Variants in SLC5A10 observed in about 807,000 individuals in gnomAD.
The protein encoded by SLC5A10 is sodium/mannose cotransporter SLC5A10.
In SLC5A10, 55 loss-of-function variants were observed where a neutral mutation model predicts 68.9. That is an observed-to-expected ratio of 0.80 (90% CI 0.64 to 1.00). SLC5A10 has a LOEUF of 1.00. SLC5A10 is among the 50% of genes least tolerant of loss of function. The pLI is 0.00. For synonymous variants in SLC5A10, 344 were observed against 344.8 expected, an observed-to-expected ratio of 1.00 and a Z score of 0.02; for missense variants, 732 against 819.3, an observed-to-expected ratio of 0.89 and a Z score of 1.30.
intron 9 of SLC5A10, among the ~76,000 whole-genome samples, chr17:18,981,879 G>C (rs1010335690): frequency 6.6e-6 from 1 of 152,182 alleles, no homozygotes; most frequent in Non-Finnish European, 1.5e-5. Context: ...GAGCACGCTC[G>C]GGGTTGAGAA....
chr17:19,019,753 C>T lies in SLC5A10; in HGVS notation c.1451C>T (p.Ala484Val), dbSNP rs2044222158. Reference sequence around the variant, plus strand: ...CTGATAGCAGGGCTGGTGGTGGGGGCCACGAGGCTGGTCCTGGAATTCCTG... The same window carrying T: ...CTGATAGCAGGGCTGGTGGTGGGGGTCACGAGGCTGGTCCTGGAATTCCTG... ...WGLIAGLVVGATRLVLEFLNP... is the reference protein window; with the variant it reads ...WGLIAGLVVGVTRLVLEFLNP... The change falls in exon 13 of 15, where the codon GCC becomes GTC. Residue 484 changes from alanine (A) to valine (V), a missense_variant. By Grantham distance (64) the Ala-to-Val change is moderately conservative. Transcript: ENST00000395645. The T allele has an allele frequency of 2.5e-6, 4 of 1,612,228 alleles. No individual in the cohort carries two copies. The highest frequency in any genetic ancestry group is 1.3e-5 in the African/African-American group (1 of 74,904).
intron 5 of SLC5A10, among the ~76,000 whole-genome samples, chr17:18,967,230 G>A (rs1021551421): frequency 2.0e-5 from 3 of 152,210 alleles, no homozygotes; most frequent in Non-Finnish European, 2.9e-5. Context: ...ATGCCATGTA[G>A]TGTCCAGTCT....
At chr17:19,008,889 T>C (rs2043957668) in intron 9 of SLC5A10, among the ~76,000 whole-genome samples, 1 of 151,438 alleles carries the variant, frequency 6.6e-6, no homozygotes, top group Non-Finnish European at 1.5e-5. Context: ...CTCGGCTCAC[T>C]GCAACCTCCA....
intron 3 of SLC5A10, among the ~76,000 whole-genome samples, 153 bp downstream of exon 3, chr17:18,959,392 T>C (rs575994610): frequency 1.3e-5 from 2 of 152,326 alleles, no homozygotes; most frequent in South Asian, 4.1e-4. Flanking sequence ...GTCTTCAGAA[T>C]ACCAAGGTGC....
chr17:18,988,194 G>C, intron 9 of SLC5A10: 1 of 1,586,728 alleles, frequency 6.3e-7, no homozygotes, highest in East Asian at 2.3e-5. Flanking sequence ...TTTGTTGACA[G>C]ACTGAATGAC....
Position 19,004,047 on chromosome 17 carries a change from C to T in SLC5A10, c.983-9363C>T, listed in dbSNP as rs1387359315. On this transcript the variant is annotated intron_variant, in intron 9 of 14. Coordinates refer to ENST00000395645, the MANE Select transcript of SLC5A10 (RefSeq NM_001042450.4). The surrounding 1 kb of genome is among the most constrained non-coding windows in gnomAD (Gnocchi z 5.4). ...TGCACCTGAGAGAAGGCCATGGCGC[C>T]GCCTGCCCGGGCACTGCTGCCGGGG... 1 of 1,576,264 alleles carries T rather than the reference C, an allele frequency of 6.3e-7. No individual in the cohort carries two copies. The highest frequency in any genetic ancestry group is 1.8e-5 in the Admixed American group (1 of 56,486).
chr17:18,987,454 T>C (rs2043299662), intron 9 of SLC5A10, among the ~76,000 whole-genome samples: 3 of 152,248 alleles, frequency 2.0e-5, no homozygotes, highest in Non-Finnish European at 4.4e-5. Context: ...GGAAATGCTC[T>C]GCACGCAGCA....
chr17:18,977,586 G>T, intron 9 of SLC5A10: 1 of 1,607,444 alleles, frequency 6.2e-7, no homozygotes. Flanking sequence ...TGACCCACCT[G>T]TGCCTCCTTG....
At chr17:18,964,654 G>A (rs2042675071) in intron 5 of SLC5A10, among the ~76,000 whole-genome samples, 1 of 152,214 alleles carries the variant, frequency 6.6e-6, no homozygotes, top group South Asian at 2.1e-4. Context: ...GGGCAGTCTG[G>A]GGTGGAAATG....
intron 11 of SLC5A10, among the ~76,000 whole-genome samples, chr17:19,015,649 C>A (rs1567814915): frequency 1.3e-5 from 2 of 152,218 alleles, no homozygotes. Context: ...CCCAGCTTGT[C>A]CCCTCCTTTT....
intron 5 of SLC5A10, among the ~76,000 whole-genome samples, chr17:18,965,970 G>A (rs2042700691): frequency 6.6e-6 from 1 of 152,198 alleles, no homozygotes; most frequent in South Asian, 2.1e-4. Flanking sequence ...CACCTGGTAG[G>A]ATGCTATGAG....
chr17:18,952,826 A>G (rs965344932), intron 1 of SLC5A10, among the ~76,000 whole-genome samples: 1 of 152,110 alleles, frequency 6.6e-6, no homozygotes, highest in South Asian at 2.1e-4. Flanking sequence ...TTCTCCCTTC[A>G]TAACAGTGAG....
chr17:18,967,417 CTG>C (rs1491053589), intron 5 of SLC5A10, among the ~76,000 whole-genome samples: 12 of 152,166 alleles, frequency 7.9e-5, no homozygotes, highest in African/African-American at 2.9e-4. Flanking sequence ...GCTGGCACGG[CTG>C]TGTTTTGAAA....
chr17:18,957,586 C>T (rs544368419), intron 1 of SLC5A10, among the ~76,000 whole-genome samples: 5 of 152,230 alleles, frequency 3.3e-5, no homozygotes, highest in African/African-American at 9.6e-5. Flanking sequence ...CTGCCTCAGC[C>T]TCCCGAGTAG....
At chr17:18,951,860 G>T, upstream of SLC5A10, 1 of 284,934 alleles carries the variant, frequency 3.5e-6, no homozygotes. Flanking sequence ...CACCCATTAA[G>T]CAACCCAGCC....
In SLC5A10 at chr17:19,004,070, G is replaced by A. The variant is rs748721608; in HGVS notation, c.983-9340G>A. On this transcript the variant is annotated intron_variant, in intron 9 of 14. Coordinates refer to ENST00000395645, the MANE Select transcript of SLC5A10 (RefSeq NM_001042450.4). The surrounding 1 kb of genome is among the most constrained non-coding windows in gnomAD (Gnocchi z 5.4). ...GCCGCCTGCCCGGGCACTGCTGCCGGGGGTGGGTGGGCAAGGTCCAGCTCC... is the reference window on the plus strand; with the variant it reads ...GCCGCCTGCCCGGGCACTGCTGCCGAGGGTGGGTGGGCAAGGTCCAGCTCC... 1.3e-6 allele frequency: 2 copies of A among 1,554,388 alleles called. No homozygotes were observed. Among genetic ancestry groups the A allele is most frequent in the African/African-American group, 2.7e-5 (2 of 73,282 alleles).
intron 9 of SLC5A10, chr17:18,978,187 G>A (rs1254675189): frequency 6.5e-7 from 1 of 1,549,018 alleles, no homozygotes; most frequent in Admixed American, 1.8e-5. Context: ...CCCCCTGGGG[G>A]AGGCCGTTCT....
chr17:18,959,769 C>G (rs2042575203), intron 4 of SLC5A10, 106 bp downstream of exon 4: 2 of 1,008,558 alleles, frequency 2.0e-6, no homozygotes, highest in Non-Finnish European at 3.1e-6. Flanking sequence ...TTGGTAAACT[C>G]TTAGGGCTGG....
In SLC5A10 at chr17:19,019,567, C is replaced by T; in HGVS notation, c.1386C>T (p.Val462=). 6.2e-7 allele frequency: 1 copy of T among 1,611,936 alleles called. No individual in the cohort carries two copies. Among genetic ancestry groups the T allele is most frequent in the Non-Finnish European group, 8.5e-7 (1 of 1,179,946 alleles). ...TGACTGCAGTCTTTGTCCTGGGCGT[C>T]TTCTGGCGACGTGCCAACGAGCAGG... ...PPVTAVFVLG[V]FWRRANEQGA... is the part of the protein sequence containing the mutation. The change falls in exon 12 of 15, where the codon GTC becomes GTT. Residue 462 remains valine (V), a synonymous_variant. Coordinates refer to ENST00000395645, the MANE Select transcript of SLC5A10 (RefSeq NM_001042450.4).
Sources: allele counts gnomAD v4.1 joint callset (sites outside exome capture counted in the v4.1 genomes callset), GRCh38; gene constraint gnomAD v4.1.1; non-coding constraint Gnocchi (gnomAD v3.1); transcripts MANE v1.5; gene names NCBI Gene and HGNC (gene_info 2026-07-23, HGNC 2026-07-21).